FAM20A: variants seen among roughly 807,000 people sequenced by gnomAD.
The protein encoded by FAM20A is pseudokinase FAM20A.
FAM20A carries 42 observed loss-of-function variants against 52.0 expected under a neutral mutation model. The ratio of observed to expected loss-of-function variants is 0.81; its 90% CI spans 0.63 to 1.04. FAM20A has a LOEUF of 1.04. FAM20A is among the 50% of genes least tolerant of loss of function. FAM20A has a pLI of 0.00. For missense variants in FAM20A, 742 were observed against 712.7 expected, an observed-to-expected ratio of 1.04 and a Z score of -0.47; for synonymous variants, 304 against 298.9, an observed-to-expected ratio of 1.02 and a Z score of -0.18.
Position 68,540,641 on chromosome 17 carries a change from C to T in FAM20A, c.1219+208G>A, listed in dbSNP as rs72849705. ...GGTGAGATGCCTGCCTTATGAGTGACGACCCCTTGAGCTTCTTCCAGTTCT... is the reference window on the plus strand; with the variant it reads ...GGTGAGATGCCTGCCTTATGAGTGATGACCCCTTGAGCTTCTTCCAGTTCT... On this transcript the variant is annotated intron_variant, in intron 8 of 10. Coordinates refer to ENST00000592554, the MANE Select transcript of FAM20A (RefSeq NM_017565.4). The T allele has an allele frequency of 6.1e-3, 4,153 of 681,152 alleles. 19 individuals are homozygous for T. The highest frequency in any genetic ancestry group is 8.6e-3 in the Middle Eastern group (36 of 4,174). The allele number at this position is 681,152 out of a possible 1,614,324, so 42.2% of individuals were successfully genotyped here.
At chr17:68,550,949 C>G in intron 4 of FAM20A, 1 of 683,804 alleles carries the variant, frequency 1.5e-6, no homozygotes, top group East Asian at 3.4e-5. Flanking sequence ...CTGGGGCTCT[C>G]AATGGGCCTC....
chr17:68,589,041 C>G (rs538430776), intron 1 of FAM20A, among the ~76,000 whole-genome samples: 10 of 152,288 alleles, frequency 6.6e-5, no homozygotes, highest in Middle Eastern at 3.4e-3. Flanking sequence ...CCCCAGATAG[C>G]CTTTGATTTA....
At chr17:68,553,949 CAT>C (rs67634214) in intron 3 of FAM20A, among the ~76,000 whole-genome samples, 64 of 122,274 alleles carry the variant, frequency 5.2e-4, no homozygotes, top group Non-Finnish European at 6.9e-4. Context: ...TATATACACA[CAT>C]ATATGCATAT....
intron 4 of FAM20A, among the ~76,000 whole-genome samples, chr17:68,545,715 T>C (rs187246423): frequency 2.7e-4 from 41 of 152,334 alleles, no homozygotes; most frequent in African/African-American, 9.9e-4. Flanking sequence ...AGAACTTCTG[T>C]CAAAATTGAA....
At position 68,600,503 on chromosome 17, in the gene FAM20A, C is replaced by T. The variant is rs1262630896; in HGVS notation, c.164G>A (p.Arg55Gln). Residue 55 changes from arginine to glutamine, a missense_variant, in exon 1 of 11, where the codon CGG becomes CAG. Coordinates refer to ENST00000592554, the MANE Select transcript of FAM20A (RefSeq NM_017565.4). This position sits in a 1 kb window ranked among gnomAD's most constrained non-coding sequence, Gnocchi z 6.2. ...PCTGRASSLA[R>Q]DSAAAASDPG... ...GTCCGAGGCAGCTGCGGCCGAGTCC[C>T]GCGCCAGGGAGGAGGCGCGGCCGGT... 1.3e-6 allele frequency: 2 copies of T among 1,589,288 alleles called. No homozygotes were observed. Among genetic ancestry groups the T allele is most frequent in the Admixed American group, 3.5e-5 (2 of 56,910 alleles).
At chr17:68,568,454 C>T (rs993648393) in intron 1 of FAM20A, among the ~76,000 whole-genome samples, 6 of 150,774 alleles carry the variant, frequency 4.0e-5, no homozygotes, top group East Asian at 1.9e-4. Flanking sequence ...GGTGACAGAG[C>T]GAGACTCCAT....
intron 9 of FAM20A, 73 bp from the exon 10 acceptor site, chr17:68,539,469 C>G (rs925588578): frequency 2.9e-6 from 4 of 1,376,126 alleles, no homozygotes; most frequent in Admixed American, 1.7e-5. Flanking sequence ...CCTCTCTCCT[C>G]TCAGCATTTT....
chr17:68,535,227 A>T lies in FAM20A; in HGVS notation c.*2250T>A, dbSNP rs558475152. On this transcript the variant is annotated 3_prime_UTR_variant, in exon 11 of 11. Coordinates refer to ENST00000592554, the MANE Select transcript of FAM20A (RefSeq NM_017565.4). Reference sequence around the variant, plus strand: ...GGTTTTCTGATATTTTTGAGAAATGAGTCTTAATTTTGTTACTAATCAAAA... The same window carrying T: ...GGTTTTCTGATATTTTTGAGAAATGTGTCTTAATTTTGTTACTAATCAAAA... 2.2e-6 allele frequency: 1 copy of T among 448,628 alleles called. No individual in the cohort carries two copies. Among genetic ancestry groups the T allele is most frequent in the Admixed American group, 2.4e-5 (1 of 42,140 alleles). 27.8% of individuals were successfully genotyped at this position (448,628 alleles called of 1,614,324 possible).
chr17:68,577,072 T>C (rs961837579), intron 1 of FAM20A, among the ~76,000 whole-genome samples: 2 of 152,212 alleles, frequency 1.3e-5, no homozygotes, highest in Non-Finnish European at 2.9e-5. Flanking sequence ...TTGTTTTGGC[T>C]ATAGAGCTAA....
intron 7 of FAM20A, chr17:68,541,264 G>A (rs950900222): frequency 2.0e-5 from 8 of 397,776 alleles, no homozygotes; most frequent in East Asian, 1.7e-4. Context: ...CTGCTTCCTC[G>A]TCCCTCCACA....
chr17:68,552,009 ACT>A, intron 3 of FAM20A, 58 bp from the exon 4 acceptor site: 1 of 1,133,208 alleles, frequency 8.8e-7, no homozygotes, highest in African/African-American at 1.5e-5. Context: ...AAGGCTTGTG[ACT>A]CTGTTCCTTC....
At chr17:68,539,828 T>C in intron 9 of FAM20A, 57 bp downstream of exon 9, 1 of 1,557,246 alleles carries the variant, frequency 6.4e-7, no homozygotes, top group Non-Finnish European at 8.8e-7. Context: ...AGCAGCTGGC[T>C]GCACAGAGCA....
At chr17:68,565,379 C>A in intron 1 of FAM20A, among the ~76,000 whole-genome samples, 1 of 140,588 alleles carries the variant, frequency 7.1e-6, no homozygotes, top group Non-Finnish European at 1.5e-5. Context: ...ACCTCCATTA[C>A]CTCCTTTTTT....
chr17:68,551,871 A>C lies in FAM20A; in HGVS notation c.719+2T>G. ...GTGGAAAGGAGGAAGGCAGTCACTTACCTCATGGGTTTGAACATGGCCTTC... is the reference window on the plus strand; with the variant it reads ...GTGGAAAGGAGGAAGGCAGTCACTTCCCTCATGGGTTTGAACATGGCCTTC... On this transcript the variant is annotated splice_donor_variant, in intron 4 of 10. Coordinates refer to ENST00000592554, the MANE Select transcript of FAM20A (RefSeq NM_017565.4). LOFTEE classifies it high-confidence loss of function. 6.3e-7 allele frequency: 1 copy of C among 1,575,558 alleles called. No homozygotes were observed. Among genetic ancestry groups the C allele is most frequent in the Non-Finnish European group, 8.6e-7 (1 of 1,158,244 alleles).
In FAM20A at chr17:68,536,423, A is replaced by G. The variant is rs1445365540; in HGVS notation, c.*1054T>C. On this transcript the variant is annotated 3_prime_UTR_variant, in exon 11 of 11. Coordinates refer to ENST00000592554, the MANE Select transcript of FAM20A (RefSeq NM_017565.4). ...CCTCCTATTAAAAGGAGTTTCAGAT[A>G]TCAACAAGTCAGGGAGAAGGTAGAG... 1 of 454,184 alleles carries G rather than the reference A, an allele frequency of 2.2e-6. No homozygotes were observed. The highest frequency in any genetic ancestry group is 2.3e-5 in the Admixed American group (1 of 42,582). The allele number at this position is 454,184 out of a possible 1,614,324, so 28.1% of individuals were successfully genotyped here.
intron 4 of FAM20A, among the ~76,000 whole-genome samples, chr17:68,549,365 A>T (rs2086726024): frequency 6.6e-6 from 1 of 152,052 alleles, no homozygotes; most frequent in Non-Finnish European, 1.5e-5. Flanking sequence ...GTGGTGGTAC[A>T]CATCTATAAT....
chr17:68,553,778 ATATACATG>A (rs1227651204), intron 3 of FAM20A, among the ~76,000 whole-genome samples: 1 of 141,908 alleles, frequency 7.0e-6, no homozygotes, highest in African/African-American at 2.7e-5. Flanking sequence ...ATATATACAT[ATATACATG>A]TATACACATA....
intron 1 of FAM20A, among the ~76,000 whole-genome samples, chr17:68,568,936 A>G (rs542423946): frequency 2.0e-5 from 3 of 151,908 alleles, no homozygotes; most frequent in Non-Finnish European, 2.9e-5. Flanking sequence ...AGTTTCTAAC[A>G]GAATAAAATT....
chr17:68,554,863 T>A, intron 2 of FAM20A, 36 bp from the exon 3 acceptor site: 3 of 1,610,344 alleles, frequency 1.9e-6, no homozygotes, highest in Non-Finnish European at 2.5e-6. Context: ...GAACTTCCAG[T>A]CTTGTTCCTG....
Sources: allele counts gnomAD v4.1 joint callset (sites outside exome capture counted in the v4.1 genomes callset), GRCh38; gene constraint gnomAD v4.1.1; non-coding constraint Gnocchi (gnomAD v3.1); transcripts MANE v1.5; gene names NCBI Gene and HGNC (gene_info 2026-07-23, HGNC 2026-07-21).